AOAH: variants seen among roughly 807,000 people sequenced by gnomAD.
AOAH encodes acyloxyacyl hydrolase.
Under a neutral mutation model 92.2 loss-of-function variants are expected in AOAH, and 64 were observed. That is an observed-to-expected ratio of 0.69 (90% CI 0.57 to 0.86). The LOEUF is 0.86. Among genes scored for constraint, AOAH ranks in the 40% least tolerant of loss-of-function variants. The pLI, the probability that AOAH is intolerant of heterozygous loss-of-function variation, is 0.00. For synonymous variants in AOAH, 263 were observed against 254.5 expected (o/e 1.03, Z -0.32); for missense variants, 656 against 694.6 (o/e 0.94, Z 0.62).
At chr7:36,558,584 C>G (rs1210202393) in intron 13 of AOAH, among the ~76,000 whole-genome samples, 1 of 152,254 alleles carries the variant, frequency 6.6e-6, no homozygotes, top group Non-Finnish European at 1.5e-5. Flanking sequence ...AGAGGTGGAG[C>G]CTACAGAGGC....
Position 36,517,597 on chromosome 7 carries a change from CTTTT to C in AOAH, c.1600-4221_1600-4218del, listed in dbSNP as rs70977159. Among the ~76,000 whole-genome samples, 21 of 89,590 alleles carry C rather than the reference CTTTT, an allele frequency of 2.3e-4. No individual in the cohort carries two copies. In the East Asian group the frequency reaches 2.6e-3, roughly 11 times the overall value. 58.8% of individuals were successfully genotyped at this position (89,590 alleles called of 152,430 possible). A position where few individuals can be genotyped will look rare whatever the true frequency, so the allele number is the denominator to read the frequency against. ...GTGTAGAGCCTTTCTGACTTTATATCTTTTTTTTTTTTTTTTTTTTTGAGATGGA... is the reference window on the plus strand; with the variant it reads ...GTGTAGAGCCTTTCTGACTTTATATCTTTTTTTTTTTTTTTTTGAGATGGA... On this transcript the variant is annotated intron_variant, in intron 20 of 20. Coordinates refer to ENST00000617537, the MANE Select transcript of AOAH (RefSeq NM_001637.4).
In AOAH at chr7:36,724,164, C is replaced by G; in HGVS notation, c.-16G>C. Reference sequence around the variant, plus strand: ...GGGACTGCATCTCCGAGCTATGCACCCCAAGTGATCACCCGGCTTTGGAAG... The same window carrying G: ...GGGACTGCATCTCCGAGCTATGCACGCCAAGTGATCACCCGGCTTTGGAAG... On this transcript the variant is annotated 5_prime_UTR_variant, in exon 1 of 21. Coordinates refer to ENST00000617537, the MANE Select transcript of AOAH (RefSeq NM_001637.4). The G allele has an allele frequency of 6.2e-7, 1 of 1,611,462 alleles. No individual in the cohort carries two copies. The highest frequency in any genetic ancestry group is 1.1e-5 in the South Asian group (1 of 90,982).
At chr7:36,559,536 T>C (rs935767534) in intron 13 of AOAH, among the ~76,000 whole-genome samples, 2 of 152,240 alleles carry the variant, frequency 1.3e-5, no homozygotes, top group Admixed American at 1.3e-4. Context: ...GTTGGCTGCT[T>C]ATATGTCTTC....
At chr7:36,608,727 G>A (rs762761488) in intron 11 of AOAH, among the ~76,000 whole-genome samples, 4 of 152,200 alleles carry the variant, frequency 2.6e-5, no homozygotes, top group Non-Finnish European at 5.9e-5. Context: ...ACTGTGGAGT[G>A]AGCTTGGCAT....
At chr7:36,675,726 TA>T (rs1252713076) in intron 2 of AOAH, among the ~76,000 whole-genome samples, 1 of 152,128 alleles carries the variant, frequency 6.6e-6, no homozygotes, top group Non-Finnish European at 1.5e-5. Context: ...CTCATGAATA[TA>T]ACCACAAAGA....
chr7:36,599,203 G>A (rs1012179182), intron 11 of AOAH, among the ~76,000 whole-genome samples: 2 of 152,166 alleles, frequency 1.3e-5, no homozygotes, highest in Non-Finnish European at 2.9e-5. Flanking sequence ...CATCGAGAAA[G>A]CCCACTGGTT....
chr7:36,610,413 AAG>A (rs1168531346), intron 11 of AOAH, among the ~76,000 whole-genome samples: 18 of 151,862 alleles, frequency 1.2e-4, no homozygotes, highest in East Asian at 3.8e-4. Context: ...GAGTGCTGGA[AAG>A]AGTGCAAAAA....
chr7:36,547,284 T>C (rs1305240095), intron 15 of AOAH, among the ~76,000 whole-genome samples: 1 of 152,232 alleles, frequency 6.6e-6, no homozygotes, highest in Non-Finnish European at 1.5e-5. Context: ...TAAACCAGCC[T>C]AAGGGCACCA....
At chr7:36,523,176 A>G (rs528131597) in intron 19 of AOAH, among the ~76,000 whole-genome samples, 2 of 152,296 alleles carry the variant, frequency 1.3e-5, no homozygotes, top group South Asian at 4.1e-4. Context: ...AGTCCTACAC[A>G]CTGAATCGCC....
intron 1 of AOAH, among the ~76,000 whole-genome samples, chr7:36,689,670 G>A (rs1584123353): frequency 6.6e-6 from 1 of 152,208 alleles, no homozygotes; most frequent in East Asian, 1.9e-4. Context: ...ATAACAGGCA[G>A]GAGAAGAGCT....
At chr7:36,594,472 T>C in intron 11 of AOAH, 42 bp from the exon 12 acceptor site, 1 of 1,531,896 alleles carries the variant, frequency 6.5e-7, no homozygotes, top group South Asian at 1.1e-5. Flanking sequence ...AATGGTCATT[T>C]ATTTTCTAAA....
chr7:36,557,823 C>G (rs1353966686), intron 13 of AOAH, among the ~76,000 whole-genome samples: 1 of 152,102 alleles, frequency 6.6e-6, no homozygotes, highest in East Asian at 1.9e-4. Flanking sequence ...CGAGCCTTGG[C>G]TTTCAGCTCC....
At chr7:36,681,752 G>C (rs975101536) in intron 2 of AOAH, among the ~76,000 whole-genome samples, 17 of 152,162 alleles carry the variant, frequency 1.1e-4, no homozygotes, top group Non-Finnish European at 2.2e-4. Flanking sequence ...AGTGAGCCGA[G>C]ATTGCGCCAC....
chr7:36,565,579 T>C (rs1787642535), intron 13 of AOAH, among the ~76,000 whole-genome samples: 1 of 151,064 alleles, frequency 6.6e-6, no homozygotes, highest in Non-Finnish European at 1.5e-5. Flanking sequence ...GTGGCTCAGG[T>C]TGGGGTGCAG....
intron 15 of AOAH, among the ~76,000 whole-genome samples, chr7:36,544,455 C>T (rs1785661520): frequency 6.6e-6 from 1 of 152,116 alleles, no homozygotes; most frequent in South Asian, 2.1e-4. Flanking sequence ...CACCTGCCAC[C>T]CCGGATTTGT....
At chr7:36,575,104 AG>A (rs1161528141) in intron 13 of AOAH, among the ~76,000 whole-genome samples, 2 of 152,282 alleles carry the variant, frequency 1.3e-5, no homozygotes, top group East Asian at 3.9e-4. Context: ...TAAAGGAAAA[AG>A]AAAGTGCAGC....
In AOAH at chr7:36,685,313, G is replaced by A. The variant is rs12333464; in HGVS notation, c.223+1386C>T. Among the ~76,000 whole-genome samples, 1,469 of 152,280 alleles carry A rather than the reference G, an allele frequency of 9.6e-3. 25 individuals carry two copies. Among genetic ancestry groups the A allele is most frequent in the African/African-American group, 0.034 (1,408 of 41,550 alleles). ...TACGATATCTAGGGATGCTCACTGA[G>A]TGATAAAGCTATAAATAAAATAATT... On this transcript the variant is annotated intron_variant, in intron 2 of 20. Transcript: ENST00000617537.
intron 13 of AOAH, among the ~76,000 whole-genome samples, chr7:36,552,686 C>T (rs1041632708): frequency 5.3e-5 from 8 of 152,160 alleles, no homozygotes; most frequent in African/African-American, 1.7e-4. Context: ...TTTTAATAAT[C>T]GCTGCTCTGA....
chr7:36,538,647 A>G (rs1364608583), intron 16 of AOAH, among the ~76,000 whole-genome samples: 2 of 152,204 alleles, frequency 1.3e-5, no homozygotes, highest in African/African-American at 4.8e-5. Flanking sequence ...TGAAAGAATC[A>G]GTTGAGGGCA....
Sources: gnomAD v4.1 joint callset for allele counts (sites outside exome capture counted in the v4.1 genomes callset) on GRCh38, gnomAD v4.1.1 for gene constraint, MANE v1.5 for transcripts, NCBI Gene and HGNC (gene_info 2026-07-23, HGNC 2026-07-21) for gene names.